SIGLEC15: variants seen among roughly 807,000 people sequenced by gnomAD.
The protein encoded by SIGLEC15 is sialic acid-binding Ig-like lectin 15.
In SIGLEC15, 31 loss-of-function variants were observed where a neutral mutation model predicts 26.2. The observed-to-expected ratio is 1.18, with a 90% CI of 0.89 to 1.60. The LOEUF is 1.60. Among genes scored for constraint, SIGLEC15 ranks in the 40% most tolerant of loss-of-function variants. SIGLEC15 has a pLI of 0.00. For synonymous variants in SIGLEC15, 207 were observed against 221.9 expected (o/e 0.93, Z 0.60); for missense variants, 501 against 488.4 (o/e 1.03, Z -0.24).
At chr18:45,837,219 C>A (rs756454694) in intron 2 of SIGLEC15, 131 bp downstream of exon 2, 8 of 1,409,378 alleles carry the variant, frequency 5.7e-6, no homozygotes, top group Non-Finnish European at 7.5e-6. Context: ...GGTCAAGGGG[C>A]CTGCAGGTGA....
At chr18:45,838,614 G>A (rs375350027) in intron 3 of SIGLEC15, 104 bp from the exon 4 acceptor site, 1 of 1,395,542 alleles carries the variant, frequency 7.2e-7, no homozygotes, top group East Asian at 2.7e-5. Flanking sequence ...GCACCCAAGT[G>A]CCCATTCCTC....
At chr18:45,829,314 G>A (rs1435056384) in intron 1 of SIGLEC15, 5 of 234,392 alleles carry the variant, frequency 2.1e-5, no homozygotes, top group African/African-American at 4.7e-5. Flanking sequence ...ACCCCTTCCC[G>A]GGAACCTTCA....
rs951488276 is a variant in SIGLEC15, at chr18:45,842,664, C to T, written c.*477C>T. On this transcript the variant is annotated 3_prime_UTR_variant, in exon 6 of 6. Coordinates refer to ENST00000389474, the MANE Select transcript of SIGLEC15 (RefSeq NM_213602.3). ...GTCTCAATTCATTTACTGTTGAACA[C>T]GGACAATCATATTCTTCCCTCCTGG... 2.2e-4 allele frequency: 36 copies of T among 161,802 alleles called. No homozygotes were observed. The highest frequency in any genetic ancestry group is 4.8e-4 in the African/African-American group (20 of 41,776). 10.0% of individuals were successfully genotyped at this position (161,802 alleles called of 1,614,324 possible). A position where few individuals can be genotyped will look rare whatever the true frequency, so the allele number is the denominator to read the frequency against.
intron 1 of SIGLEC15, among the ~76,000 whole-genome samples, chr18:45,831,945 T>C (rs1043681851): frequency 5.3e-5 from 8 of 152,332 alleles, no homozygotes; most frequent in East Asian, 1.9e-4. Flanking sequence ...ACCACCAGGC[T>C]GGTCTTGAAT....
chr18:45,837,553 G>A lies in SIGLEC15; in HGVS notation c.153G>A (p.Glu51=). ...AQRWSMQVPP[E]VSAEAGDAAV... The stretch of plus-strand genomic sequence containing the variant: ...GCTGGTCCATGCAGGTGCCACCCGA[G>A]GTGAGCGCGGAGGCAGGCGACGCGG... Residue 51 remains glutamate, a synonymous_variant, in exon 3 of 6, where the codon GAG becomes GAA. Transcript: ENST00000389474. 1.3e-6 allele frequency: 2 copies of A among 1,517,406 alleles called. No homozygotes were observed. The highest frequency in any genetic ancestry group is 1.8e-6 in the Non-Finnish European group (2 of 1,140,010). 94.0% of individuals were successfully genotyped at this position (1,517,406 alleles called of 1,614,324 possible).
intron 1 of SIGLEC15, among the ~76,000 whole-genome samples, chr18:45,828,319 G>A (rs1489549355): frequency 6.6e-6 from 1 of 152,112 alleles, no homozygotes; most frequent in Non-Finnish European, 1.5e-5. Flanking sequence ...CTTCATGCAG[G>A]AGACCCCCAT....
Position 45,838,765 on chromosome 18 carries a change from G to C in SIGLEC15, c.544G>C (p.Ala182Pro). 6.3e-7 allele frequency: 1 copy of C among 1,576,614 alleles called. No individual in the cohort carries two copies. The highest frequency in any genetic ancestry group is 8.6e-7 in the Non-Finnish European group (1 of 1,169,398). ...CTCGGTGCTGCCCAGTCCGGCTCACGCCTTCCGCGCGCTCTGCACTGCCGA... is the reference window on the plus strand; with the variant it reads ...CTCGGTGCTGCCCAGTCCGGCTCACCCCTTCCGCGCGCTCTGCACTGCCGA... ...NISVLPSPAH[A>P]FRALCTAEGE... The change falls in exon 4 of 6, where the codon GCC becomes CCC. Residue 182 changes from alanine (A) to proline (P), a missense_variant. By Grantham distance (27) the Ala-to-Pro change is conservative. Coordinates refer to ENST00000389474, the MANE Select transcript of SIGLEC15 (RefSeq NM_213602.3).
rs113655155 is a variant in SIGLEC15, at chr18:45,839,459, C to T, written c.874+364C>T. On this transcript the variant is annotated intron_variant, in intron 4 of 5. Coordinates refer to ENST00000389474, the MANE Select transcript of SIGLEC15 (RefSeq NM_213602.3). ...TCCTAAATAGCACCGTTCCTGAGGA[C>T]CTACTATGTGCTGTGTGGGTGCTAG... 5.5e-3 allele frequency among the ~76,000 whole-genome samples: 833 copies of T among 152,236 alleles called. 7 individuals are homozygous for T. Among genetic ancestry groups the T allele is most frequent in the African/African-American group, 0.019 (796 of 41,540 alleles).
chr18:45,825,756 T>C lies in SIGLEC15; in HGVS notation c.28T>C (p.Cys10Arg), dbSNP rs999847666. 1.9e-6 allele frequency: 3 copies of C among 1,614,248 alleles called. No homozygotes were observed. The highest frequency in any genetic ancestry group is 2.5e-6 in the Non-Finnish European group (3 of 1,180,030). Residue 10 changes from cysteine (C) to arginine (R), a missense_variant, in exon 1 of 6, where the codon TGC becomes CGC. Physicochemically the swap from Cys to Arg is radical, Grantham distance 180 (BLOSUM62 -3). Coordinates refer to ENST00000389474, the MANE Select transcript of SIGLEC15 (RefSeq NM_213602.3). ...GGAAAAGTCCATCTGGCTGCTGGCCTGCTTGGCGTGGGTTCTCCCGACAGG... is the reference window on the plus strand; with the variant it reads ...GGAAAAGTCCATCTGGCTGCTGGCCCGCTTGGCGTGGGTTCTCCCGACAGG... MEKSIWLLA[C>R]LAWVLPTGSF...
chr18:45,831,098 C>T (rs1265754818), intron 1 of SIGLEC15, among the ~76,000 whole-genome samples: 1 of 152,106 alleles, frequency 6.6e-6, no homozygotes, highest in Non-Finnish European at 1.5e-5. Flanking sequence ...AGGGCTGGAG[C>T]CCCGGACAGA....
At chr18:45,835,373 T>C (rs978308640) in intron 1 of SIGLEC15, among the ~76,000 whole-genome samples, 2 of 152,172 alleles carry the variant, frequency 1.3e-5, no homozygotes, top group African/African-American at 4.8e-5. Context: ...GGTTCATGCA[T>C]ATGGACTGCA....
chr18:45,838,675 G>A, intron 3 of SIGLEC15, 43 bp from the exon 4 acceptor site: 3 of 1,510,124 alleles, frequency 2.0e-6, no homozygotes, highest in Non-Finnish European at 2.6e-6. Flanking sequence ...AGGGCTAAGG[G>A]GAGGGGTGCC....
chr18:45,838,793 G>A lies in SIGLEC15; in HGVS notation c.572G>A (p.Gly191Glu), dbSNP rs1424840411. 6.4e-7 allele frequency: 1 copy of A among 1,561,178 alleles called. No homozygotes were observed. Among genetic ancestry groups the A allele is most frequent in the Non-Finnish European group, 8.6e-7 (1 of 1,160,686 alleles). ...HAFRALCTAE[G>E]EPPPALAWSG... ...TTCCGCGCGCTCTGCACTGCCGAAG[G>A]GGAGCCGCCGCCCGCCCTCGCCTGG... The change falls in exon 4 of 6, where the codon GGG becomes GAG. Residue 191 changes from glycine (G) to glutamate (E), a missense_variant. Coordinates refer to ENST00000389474, the MANE Select transcript of SIGLEC15 (RefSeq NM_213602.3).
At position 45,837,791 on chromosome 18, in the gene SIGLEC15, C is replaced by A. The variant is rs1328184322; in HGVS notation, c.391C>A (p.Arg131Ser). ...RRNDLSLRVE[R>S]LALADDRRYF... ...CAACGACCTCTCGCTGCGCGTCGAG[C>A]GCCTCGCCCTGGCTGACGACCGCCG... The change falls in exon 3 of 6, where the codon CGC (arginine) becomes AGC (serine). Residue 131 changes from arginine (R) to serine (S), a missense_variant. Physicochemically the swap from Arg to Ser is moderately radical, Grantham distance 110. Transcript: ENST00000389474. The A allele has an allele frequency of 7.9e-6, 12 of 1,523,264 alleles. No individual in the cohort carries two copies. Among genetic ancestry groups the A allele is most frequent in the Admixed American group, 1.9e-5 (1 of 51,568 alleles). The allele number at this position is 1,523,264 out of a possible 1,614,324, so 94.4% of individuals were successfully genotyped here. A position where few individuals can be genotyped will look rare whatever the true frequency, so the allele number is the denominator to read the frequency against.
intron 2 of SIGLEC15, 29 bp downstream of exon 2, chr18:45,837,117 C>G: frequency 6.2e-7 from 1 of 1,611,798 alleles, no homozygotes; most frequent in Non-Finnish European, 8.5e-7. Context: ...ATCACCATCT[C>G]GGGGATCTTG....
chr18:45,837,592 C>A lies in SIGLEC15; in HGVS notation c.192C>A (p.Cys64Ter). The A allele has an allele frequency of 6.6e-7, 1 of 1,512,316 alleles. No individual in the cohort carries two copies. The highest frequency in any genetic ancestry group is 8.8e-7 in the Non-Finnish European group (1 of 1,137,848). 93.7% of individuals were successfully genotyped at this position (1,512,316 alleles called of 1,614,324 possible). Residue 64 changes from cysteine (C) to a stop codon, truncating the protein, a stop_gained, in exon 3 of 6, where the codon TGC becomes TGA. Coordinates refer to ENST00000389474, the MANE Select transcript of SIGLEC15 (RefSeq NM_213602.3). LOFTEE classifies it high-confidence loss of function. ...CAGGCGACGCGGCAGTGCTGCCCTG[C>A]ACCTTCACGCACCCGCACCGCCACT... ...AEAGDAAVLPCTFTHPHRHYD... is the reference protein window; with the variant it reads ...AEAGDAAVLP
intron 3 of SIGLEC15, 140 bp from the exon 4 acceptor site, chr18:45,838,578 A>T: frequency 8.8e-7 from 1 of 1,138,566 alleles, no homozygotes; most frequent in Non-Finnish European, 1.2e-6. Context: ...CCAAGGCCAC[A>T]TCTGTATTGG....
chr18:45,841,258 T>C (rs1018115229), intron 5 of SIGLEC15, among the ~76,000 whole-genome samples: 2 of 151,550 alleles, frequency 1.3e-5, no homozygotes, highest in African/African-American at 2.4e-5. Flanking sequence ...CCTGGGCAGG[T>C]AGGAGCGGTG....
chr18:45,838,650 G>T, intron 3 of SIGLEC15, 68 bp from the exon 4 acceptor site: 1 of 1,451,304 alleles, frequency 6.9e-7, no homozygotes, highest in Non-Finnish European at 9.0e-7. Context: ...CCACCCCTCC[G>T]GCTCTGGCGT....
Sources: allele counts gnomAD v4.1 joint callset (sites outside exome capture counted in the v4.1 genomes callset), GRCh38; gene constraint gnomAD v4.1.1; transcripts MANE v1.5; gene names NCBI Gene and HGNC (gene_info 2026-07-23, HGNC 2026-07-21).